Variants in ABCB1 observed in about 807,000 individuals in gnomAD.
ABCB1 encodes the protein ATP-dependent translocase ABCB1.
ABCB1 carries 69 observed loss-of-function variants against 142.0 expected under a neutral mutation model. The ratio of observed to expected loss-of-function variants is 0.49; its 90% CI spans 0.40 to 0.59. The LOEUF (loss-of-function observed/expected upper bound fraction) is 0.59, where lower values mean the gene tolerates loss of function less well. ABCB1 is among the 20% of genes least tolerant of loss of function. The probability of loss-of-function intolerance (pLI) is 0.00; values close to 1 mark genes in which losing one functional copy is unlikely to be tolerated. For missense variants in ABCB1, 1,326 were observed against 1,554.7 expected (o/e 0.85, Z 2.47); for synonymous variants, 532 against 539.2 (o/e 0.99, Z 0.18).
intron 23 of ABCB1, among the ~76,000 whole-genome samples, chr7:87,517,250 G>T (rs1052941530): frequency 3.3e-5 from 5 of 152,072 alleles, no homozygotes; most frequent in African/African-American, 1.2e-4. Flanking sequence ...GGCTGGCCTT[G>T]TGACTTGCTT....
rs1814568899 is a variant in ABCB1 at position 87,503,276 on chromosome 7, T to G, written c.*967A>C. ...AGTTTATAATGTTAATAATGCTTTT[T>G]GGCTAATTTAAAAAAATTTGTCGTC... On this transcript the variant is annotated 3_prime_UTR_variant, in exon 28 of 28. Coordinates refer to ENST00000622132, the MANE Select transcript of ABCB1 (RefSeq NM_001348946.2). 6.6e-6 allele frequency among the ~76,000 whole-genome samples: 1 copy of G among 152,062 alleles called. No homozygotes were observed. Among genetic ancestry groups the G allele is most frequent in the African/African-American group, 2.4e-5 (1 of 41,408 alleles).
intron 22 of ABCB1, among the ~76,000 whole-genome samples, chr7:87,520,547 C>T (rs1363248850): frequency 6.6e-6 from 1 of 152,160 alleles, no homozygotes; most frequent in Non-Finnish European, 1.5e-5. Context: ...TGTCTCCCTC[C>T]CTTCTCATCA....
intron 4 of ABCB1, among the ~76,000 whole-genome samples, chr7:87,575,886 G>GGCAGAGTGTGAAAACCACTA (rs1356229544): frequency 5.3e-5 from 8 of 152,144 alleles, no homozygotes; most frequent in Non-Finnish European, 1.2e-4. Flanking sequence ...TTCCAATTTA[G>GGCAGAGTGTGAAAACCACTA]GCAGAGTGTG....
chr7:87,536,149 C>A (rs1188865615), intron 20 of ABCB1, among the ~76,000 whole-genome samples: 1 of 152,102 alleles, frequency 6.6e-6, no homozygotes, highest in African/African-American at 2.4e-5. Context: ...TCTTCAGTAG[C>A]AATTACTGTT....
chr7:87,709,448 G>T, intron 1 of ABCB1: 1 of 985,290 alleles, frequency 1.0e-6, no homozygotes, highest in Non-Finnish European at 1.2e-6. Context: ...GTTCCCCTAG[G>T]CTTACTCAGA....
intron 1 of ABCB1, among the ~76,000 whole-genome samples, chr7:87,657,292 C>T (rs1309054915): frequency 6.6e-6 from 1 of 152,072 alleles, no homozygotes; most frequent in Non-Finnish European, 1.5e-5. Context: ...AAAAAAACAA[C>T]AACAATGAAA....
chr7:87,709,322 C>T (rs569665701), intron 1 of ABCB1: 8 of 984,630 alleles, frequency 8.1e-6, no homozygotes, highest in East Asian at 1.1e-4. Flanking sequence ...TTCAAGACAC[C>T]GCTACTAGTT....
intron 1 of ABCB1, among the ~76,000 whole-genome samples, chr7:87,686,920 T>C (rs1441110749): frequency 6.9e-6 from 1 of 144,826 alleles, no homozygotes; most frequent in Non-Finnish European, 1.5e-5. Flanking sequence ...CACTCCAGCC[T>C]GGACAACAGA....
intron 1 of ABCB1, among the ~76,000 whole-genome samples, chr7:87,623,564 G>T (rs1274896562): frequency 6.6e-6 from 1 of 152,154 alleles, no homozygotes; most frequent in Non-Finnish European, 1.5e-5. Context: ...ATGCTCTCTG[G>T]AACTTTTGCT....
chr7:87,595,666 C>A, intron 3 of ABCB1, 100 bp downstream of exon 3: 1 of 956,498 alleles, frequency 1.0e-6, no homozygotes, highest in South Asian at 1.4e-5. Flanking sequence ...ATTAACATAC[C>A]CTATACGAAA....
intron 15 of ABCB1, 135 bp from the exon 16 acceptor site, chr7:87,545,134 G>T (rs751889144): frequency 4.1e-5 from 33 of 800,184 alleles, no homozygotes; most frequent in Non-Finnish European, 6.6e-5. Context: ...CTAATCTGCT[G>T]TGTTGTTTTA....
chr7:87,507,868 C>T (rs1012993429), intron 26 of ABCB1, among the ~76,000 whole-genome samples: 1 of 152,116 alleles, frequency 6.6e-6, no homozygotes. Context: ...TTATCCCAAG[C>T]AAAGTAATGC....
Position 87,503,705 on chromosome 7 carries a change from G to C in ABCB1, c.*538C>G, listed in dbSNP as rs955763516. 7 of 170,102 alleles carry C rather than the reference G, an allele frequency of 4.1e-5. No individual in the cohort carries two copies. Among genetic ancestry groups the C allele is most frequent in the Admixed American group, 1.7e-4 (3 of 17,912 alleles). The allele number at this position is 170,102 out of a possible 1,614,324, so 10.5% of individuals were successfully genotyped here. A position where few individuals can be genotyped will look rare whatever the true frequency, so the allele number is the denominator to read the frequency against. The stretch of plus-strand genomic sequence containing the variant: ...CAGATGGTTCTGTAAGACCCAATGT[G>C]AATAGACATATACAACAGGAATTAT... On this transcript the variant is annotated 3_prime_UTR_variant, in exon 28 of 28. Coordinates refer to ENST00000622132, the MANE Select transcript of ABCB1 (RefSeq NM_001348946.2).
At chr7:87,532,667 T>C (rs1308146621) in intron 20 of ABCB1, among the ~76,000 whole-genome samples, 4 of 152,174 alleles carry the variant, frequency 2.6e-5, no homozygotes, top group Admixed American at 2.6e-4. Flanking sequence ...ATCCACCCCT[T>C]GTTTAGCATG....
At chr7:87,668,991 C>G (rs1825556380) in intron 1 of ABCB1, among the ~76,000 whole-genome samples, 1 of 151,960 alleles carries the variant, frequency 6.6e-6, no homozygotes, top group Non-Finnish European at 1.5e-5. Flanking sequence ...TGTATCCGAG[C>G]CTTTTGGTTT....
chr7:87,563,446 C>T, intron 7 of ABCB1: 1 of 446,710 alleles, frequency 2.2e-6, no homozygotes, highest in Non-Finnish European at 4.5e-6. Flanking sequence ...TTCAGCAGCA[C>T]ATCAAAAAGC....
At chr7:87,626,540 A>ATG (rs1222794815) in intron 1 of ABCB1, among the ~76,000 whole-genome samples, 6 of 19,118 alleles carry the variant, frequency 3.1e-4, no homozygotes, top group African/African-American at 4.9e-4. Context: ...TGTGTCATAT[A>ATG]TGTGTCATAT....
intron 5 of ABCB1, among the ~76,000 whole-genome samples, chr7:87,569,490 C>G (rs1817944520): frequency 6.6e-6 from 1 of 152,162 alleles, no homozygotes; most frequent in South Asian, 2.1e-4. Context: ...AAATCATTAA[C>G]CAAAAGCTTC....
intron 1 of ABCB1, among the ~76,000 whole-genome samples, chr7:87,614,224 T>C (rs546004037): frequency 7.2e-5 from 11 of 152,210 alleles, no homozygotes; most frequent in African/African-American, 2.6e-4. Context: ...AGTGAGACCC[T>C]GTCTCTAAAG....
Sources: allele counts gnomAD v4.1 joint callset (sites outside exome capture counted in the v4.1 genomes callset), GRCh38; gene constraint gnomAD v4.1.1; transcripts MANE v1.5; gene names NCBI Gene and HGNC (gene_info 2026-07-23, HGNC 2026-07-21).